Variants in C8A observed in about 807,000 individuals in gnomAD.
The protein encoded by C8A is complement C8 alpha chain, also known as complement component C8 alpha chain.
In C8A, 67 loss-of-function variants were observed where a neutral mutation model predicts 65.3. That is an observed-to-expected ratio of 1.03 (90% CI 0.84 to 1.26). The LOEUF (loss-of-function observed/expected upper bound fraction) is 1.26. Ranked by LOEUF, C8A falls within the 50% of genes most tolerant of loss-of-function variation. The pLI is 0.00. For missense variants in C8A, 781 were observed against 723.9 expected (o/e 1.08, Z -0.90); for synonymous variants, 290 against 259.4 (o/e 1.12, Z -1.13).
intron 6 of C8A, among the ~76,000 whole-genome samples, chr1:56,885,376 TTATTTAAATATA>T (rs1160591255): frequency 1.1e-5 from 1 of 92,268 alleles, no homozygotes; most frequent in Non-Finnish European, 2.2e-5. Flanking sequence ...ATATTTATAT[TTATTTAAATATA>T]TATTTAAATA....
intron 8 of C8A, among the ~76,000 whole-genome samples, chr1:56,907,706 T>C (rs1346105473): frequency 6.6e-6 from 1 of 152,240 alleles, no homozygotes; most frequent in Non-Finnish European, 1.5e-5. Context: ...ACCCATTTCC[T>C]GTTCCCCTTA....
intron 1 of C8A, among the ~76,000 whole-genome samples, chr1:56,861,136 G>A (rs140497390): frequency 9.1e-4 from 139 of 152,268 alleles, no homozygotes; most frequent in African/African-American, 3.3e-3. Flanking sequence ...CATGCTTATT[G>A]TGTTTTATTG....
At chr1:56,900,787 A>C (rs1644420971) in intron 7 of C8A, among the ~76,000 whole-genome samples, 1 of 152,208 alleles carries the variant, frequency 6.6e-6, no homozygotes, top group African/African-American at 2.4e-5. Flanking sequence ...GGGGCTTGGC[A>C]CATGCCAGGC....
intron 9 of C8A, 88 bp from the exon 10 acceptor site, chr1:56,912,315 C>T: frequency 8.2e-7 from 1 of 1,222,198 alleles, no homozygotes; most frequent in East Asian, 2.4e-5. Context: ...ATGTATCAGG[C>T]CTTCCAGAAG....
chr1:56,896,450 C>T (rs554568549), intron 7 of C8A, among the ~76,000 whole-genome samples: 7 of 152,188 alleles, frequency 4.6e-5, no homozygotes, highest in Admixed American at 2.6e-4. Flanking sequence ...TCAACATTTC[C>T]TGTCCAAGGG....
chr1:56,901,660 T>C (rs1644427790), intron 7 of C8A, among the ~76,000 whole-genome samples: 1 of 152,168 alleles, frequency 6.6e-6, no homozygotes, highest in African/African-American at 2.4e-5. Flanking sequence ...TTTTCCACTC[T>C]GGAGTTTAAG....
At chr1:56,903,368 G>T (rs961723756) in intron 7 of C8A, among the ~76,000 whole-genome samples, 1 of 152,176 alleles carries the variant, frequency 6.6e-6, no homozygotes, top group East Asian at 1.9e-4. Context: ...ATGGGAAGAA[G>T]GATGTGTTTG....
At chr1:56,907,806 G>C in intron 8 of C8A, 150 bp from the exon 9 acceptor site, 5 of 919,816 alleles carry the variant, frequency 5.4e-6, no homozygotes. Context: ...CTTCTGCCTT[G>C]TCCTGCTAGC....
chr1:56,872,986 G>A (rs1385490501), intron 2 of C8A, among the ~76,000 whole-genome samples: 1 of 152,082 alleles, frequency 6.6e-6, no homozygotes, highest in Non-Finnish European at 1.5e-5. Context: ...GAGTGTGGGT[G>A]GGATATTAAA....
Position 56,912,579 on chromosome 1 carries a change from C to T in C8A, c.1557C>T (p.Cys519=), listed in dbSNP as rs1280181452. 2 of 1,614,228 alleles carry T rather than the reference C, an allele frequency of 1.2e-6. No homozygotes were observed. Among genetic ancestry groups the T allele is most frequent in the East Asian group, 2.2e-5 (1 of 44,876 alleles). ...ILEGTSCRCQ[C]RLGSLGAACE... Reference sequence around the variant, plus strand: ...AGGGCACCAGCTGCAGGTGCCAGTGCCGCCTGGGTAGCTTGGGTGCTGCCT... The same window carrying T: ...AGGGCACCAGCTGCAGGTGCCAGTGTCGCCTGGGTAGCTTGGGTGCTGCCT... The change falls in exon 10 of 11, where the codon TGC becomes TGT. Residue 519 remains cysteine (C), a synonymous_variant. Coordinates refer to ENST00000361249, the MANE Select transcript of C8A (RefSeq NM_000562.3).
intron 7 of C8A, among the ~76,000 whole-genome samples, chr1:56,898,976 T>C (rs1341740466): frequency 6.6e-6 from 1 of 152,094 alleles, no homozygotes; most frequent in African/African-American, 2.4e-5. Context: ...CAGGTCTTTT[T>C]ATTTATTTAT....
At position 56,917,925 on chromosome 1, in the gene C8A, A is replaced by G. The variant is rs1644567055; in HGVS notation, c.*209A>G. On this transcript the variant is annotated 3_prime_UTR_variant, in exon 11 of 11. Coordinates refer to ENST00000361249, the MANE Select transcript of C8A (RefSeq NM_000562.3). ...CTCAATCATTTTATTCAGCAACTGG[A>G]TGTTGACTGTTAACTAGAAGCTCTG... 1.7e-6 allele frequency: 1 copy of G among 573,228 alleles called. No individual in the cohort carries two copies. The highest frequency in any genetic ancestry group is 3.1e-5 in the Admixed American group (1 of 32,624). The allele number at this position is 573,228 out of a possible 1,614,324, so 35.5% of individuals were successfully genotyped here.
At chr1:56,866,119 C>T (rs1016798232) in intron 1 of C8A, among the ~76,000 whole-genome samples, 3 of 152,166 alleles carry the variant, frequency 2.0e-5, no homozygotes, top group Non-Finnish European at 4.4e-5. Context: ...TGTTAAAACA[C>T]TCCTCCCCGT....
At chr1:56,891,204 A>C (rs1419226105) in intron 7 of C8A, among the ~76,000 whole-genome samples, 1 of 152,100 alleles carries the variant, frequency 6.6e-6, no homozygotes, top group East Asian at 1.9e-4. Flanking sequence ...GGAGATGCCA[A>C]AGACAAGGGT....
intron 4 of C8A, among the ~76,000 whole-genome samples, chr1:56,878,722 C>G (rs541722960): frequency 2.6e-5 from 4 of 152,256 alleles, no homozygotes; most frequent in African/African-American, 9.6e-5. Context: ...CTTCCATCTT[C>G]TCTTACCTGC....
In C8A at chr1:56,912,441, G is replaced by A. The variant is rs780886159; in HGVS notation, c.1419G>A (p.Leu473=). 3 of 1,614,200 alleles carry A rather than the reference G, an allele frequency of 1.9e-6. No individual in the cohort carries two copies. The highest frequency in any genetic ancestry group is 2.5e-6 in the Non-Finnish European group (3 of 1,180,024). The stretch of plus-strand genomic sequence containing the variant: ...ACGAGGTGCTGCGGCACACAAGCCT[G>A]GGGCCTCTGGAGGCCAAGCGCCAGA... ...PIHEVLRHTS[L]GPLEAKRQNL... is the part of the protein sequence containing the mutation. The change falls in exon 10 of 11, where the codon CTG becomes CTA. Residue 473 remains leucine, a synonymous_variant. Coordinates refer to ENST00000361249, the MANE Select transcript of C8A (RefSeq NM_000562.3).
In C8A at chr1:56,885,076, G is replaced by C. The variant is rs564212613; in HGVS notation, c.856-851G>C. Among the ~76,000 whole-genome samples, 253 of 151,726 alleles carry C rather than the reference G, an allele frequency of 1.7e-3. 1 individual carries two copies. The highest frequency in any genetic ancestry group is 3.4e-3 in the Middle Eastern group (1 of 290). On this transcript the variant is annotated intron_variant, in intron 6 of 10. Coordinates refer to ENST00000361249, the MANE Select transcript of C8A (RefSeq NM_000562.3). ...GAATAGATTGGGAGAAGAACAGAAG[G>C]GTGAAGCACAATGAAGAAACCATTG...
intron 10 of C8A, 113 bp from the exon 11 acceptor site, chr1:56,917,451 GA>G (rs1644561500): frequency 1.8e-5 from 19 of 1,036,056 alleles, no homozygotes; most frequent in Non-Finnish European, 6.0e-6. Flanking sequence ...CAGAGGAGGG[GA>G]GGCCAGTTCC....
intron 7 of C8A, among the ~76,000 whole-genome samples, chr1:56,903,205 C>A (rs907059266): frequency 2.6e-5 from 4 of 152,118 alleles, no homozygotes; most frequent in African/African-American, 9.7e-5. Flanking sequence ...TTCCCAAAAT[C>A]CCCACGTCTC....
Sources: allele counts gnomAD v4.1 joint callset (sites outside exome capture counted in the v4.1 genomes callset), GRCh38; gene constraint gnomAD v4.1.1; transcripts MANE v1.5; gene names NCBI Gene and HGNC (gene_info 2026-07-23, HGNC 2026-07-21).